The following WWOX variants were observed in gnomAD, a reference collection of about 807,000 sequenced individuals.
The protein encoded by WWOX is WW domain-containing oxidoreductase.
Under a neutral mutation model 46.2 loss-of-function variants are expected in WWOX, and 69 were observed. That is an observed-to-expected ratio of 1.49 (90% CI 1.23 to 1.82). The LOEUF (loss-of-function observed/expected upper bound fraction) is 1.82. Ranked by LOEUF, WWOX falls within the 40% of genes most tolerant of loss-of-function variation. The pLI, the probability that WWOX is intolerant of heterozygous loss-of-function variation, is 0.00. For missense variants in WWOX, 919 were observed against 542.6 expected (o/e 1.69, Z -6.89); for synonymous variants, 359 against 202.6 (o/e 1.77, Z -6.56).
At chr16:78,166,337 C>G (rs959777653) in intron 5 of WWOX, among the ~76,000 whole-genome samples, 4 of 152,094 alleles carry the variant, frequency 2.6e-5, no homozygotes, top group African/African-American at 9.7e-5. Flanking sequence ...TTATTCCAAG[C>G]AATGGTGTTT....
At chr16:78,364,426 G>A (rs4074874) in intron 5 of WWOX, among the ~76,000 whole-genome samples, 4,524 of 150,598 alleles carry the variant, frequency 0.03, 202 homozygotes, top group African/African-American at 0.097. Flanking sequence ...TAGTAGTACT[G>A]TTGAGCCTGC....
intron 8 of WWOX, among the ~76,000 whole-genome samples, chr16:78,669,261 C>G (rs946002394): frequency 2.0e-5 from 3 of 152,230 alleles, no homozygotes; most frequent in African/African-American, 7.2e-5. Flanking sequence ...TTTGCTGTCC[C>G]AAGTGTCCCA....
Position 78,318,397 on chromosome 16 carries a change from T to C in WWOX, c.517-68463T>C, listed in dbSNP as rs111854893. Among the ~76,000 whole-genome samples the C allele has an allele frequency of 7.6e-3, 1,150 of 151,606 alleles. 17 individuals carry two copies. The highest frequency in any genetic ancestry group is 0.027 in the African/African-American group (1,100 of 41,318). On this transcript the variant is annotated intron_variant, in intron 5 of 8. Coordinates refer to ENST00000566780, the MANE Select transcript of WWOX (RefSeq NM_016373.4). ...GAGGTTGCTGTGAGCCGAGATTGCG[T>C]CACTGCACTTCAGCCTGGGCGACAA...
intron 8 of WWOX, among the ~76,000 whole-genome samples, chr16:78,781,646 G>A (rs942496185): frequency 1.3e-5 from 2 of 152,278 alleles, no homozygotes; most frequent in Non-Finnish European, 1.5e-5. Flanking sequence ...ATTGGGCCGG[G>A]CTTGGTGGCT....
chr16:78,988,042 T>G (rs1415352705), intron 8 of WWOX, among the ~76,000 whole-genome samples: 1 of 151,388 alleles, frequency 6.6e-6, no homozygotes, highest in Non-Finnish European at 1.5e-5. Context: ...TAGGGAAACA[T>G]AAAAGAGAGC....
chr16:78,929,040 G>A (rs2151278646), intron 8 of WWOX, among the ~76,000 whole-genome samples: 1 of 152,224 alleles, frequency 6.6e-6, no homozygotes. Context: ...GATTTTTAAA[G>A]AATTTCCTTT....
At chr16:78,677,985 A>C (rs2047644295) in intron 8 of WWOX, among the ~76,000 whole-genome samples, 1 of 152,206 alleles carries the variant, frequency 6.6e-6, no homozygotes, top group African/African-American at 2.4e-5. Context: ...TGTTTAAAAT[A>C]GCAAATTTCT....
rs138129403 is a variant in WWOX, at chr16:78,667,170, C to G, written c.1056+234418C>G. On this transcript the variant is annotated intron_variant, in intron 8 of 8. Transcript: ENST00000566780. ...CACCACTTTATGTGTTTGCTAGTAG[C>G]TTCCATGAAACTCTATGGGTGAACA... Among the ~76,000 whole-genome samples, 1,198 of 152,286 alleles carry G rather than the reference C, an allele frequency of 7.9e-3. 6 individuals are homozygous for G. Among genetic ancestry groups the G allele is most frequent in the Non-Finnish European group, 0.013 (879 of 68,020 alleles).
chr16:78,695,377 A>G (rs1256846125), intron 8 of WWOX, among the ~76,000 whole-genome samples: 2 of 152,144 alleles, frequency 1.3e-5, no homozygotes, highest in African/African-American at 4.8e-5. Context: ...GAAACAATGA[A>G]TGAGTTTTTG....
intron 8 of WWOX, among the ~76,000 whole-genome samples, chr16:79,095,776 C>G (rs1269892213): frequency 6.6e-6 from 1 of 151,816 alleles, no homozygotes; most frequent in Non-Finnish European, 1.5e-5. Context: ...GGAATACAGA[C>G]CTCAGAAAGC....
At chr16:78,997,761 C>T (rs1338545074) in intron 8 of WWOX, among the ~76,000 whole-genome samples, 2 of 152,106 alleles carry the variant, frequency 1.3e-5, no homozygotes, top group African/African-American at 4.8e-5. Context: ...GAGAGGATAG[C>T]AATTGTAAGG....
At chr16:78,532,957 GC>G (rs2043658515) in intron 8 of WWOX, among the ~76,000 whole-genome samples, 1 of 152,200 alleles carries the variant, frequency 6.6e-6, no homozygotes, top group African/African-American at 2.4e-5. Context: ...GCCTGATGAA[GC>G]AAGAGTAGGA....
chr16:78,322,083 A>G (rs1194399338), intron 5 of WWOX, among the ~76,000 whole-genome samples: 1 of 152,128 alleles, frequency 6.6e-6, no homozygotes, highest in Non-Finnish European at 1.5e-5. Context: ...CAAAAAGCCA[A>G]ATGGTTTCAA....
At chr16:78,917,260 C>A (rs771249730) in intron 8 of WWOX, among the ~76,000 whole-genome samples, 1 of 152,228 alleles carries the variant, frequency 6.6e-6, no homozygotes, top group African/African-American at 2.4e-5. Flanking sequence ...AACTGAGAGT[C>A]AGGAGGCGTG....
chr16:78,724,587 A>T (rs1475818219), intron 8 of WWOX, among the ~76,000 whole-genome samples: 2 of 152,290 alleles, frequency 1.3e-5, no homozygotes, highest in South Asian at 2.1e-4. Context: ...GGGGACATTG[A>T]CCCACTTATG....
chr16:78,395,527 A>G (rs1191698530), intron 6 of WWOX, among the ~76,000 whole-genome samples: 1 of 152,058 alleles, frequency 6.6e-6, no homozygotes, highest in African/African-American at 2.4e-5. Flanking sequence ...GAAAAGGAAA[A>G]AGAGAGAGAA....
chr16:78,814,564 G>T (rs1156284852), intron 8 of WWOX, among the ~76,000 whole-genome samples: 1 of 152,054 alleles, frequency 6.6e-6, no homozygotes, highest in Non-Finnish European at 1.5e-5. Context: ...GTGGATAAAG[G>T]CACCTGTGTA....
At chr16:78,249,720 T>C (rs1031017318) in intron 5 of WWOX, among the ~76,000 whole-genome samples, 1 of 152,152 alleles carries the variant, frequency 6.6e-6, no homozygotes, top group African/African-American at 2.4e-5. Context: ...ATTTCGGACT[T>C]GATTTTTTGT....
intron 8 of WWOX, among the ~76,000 whole-genome samples, chr16:79,036,248 A>G (rs898192665): frequency 6.6e-6 from 1 of 152,198 alleles, no homozygotes; most frequent in Non-Finnish European, 1.5e-5. Context: ...CAACCATGCC[A>G]TGGGGCCTAC....
Sources: gnomAD v4.1 joint callset for allele counts (sites outside exome capture counted in the v4.1 genomes callset) on GRCh38, gnomAD v4.1.1 for gene constraint, MANE v1.5 for transcripts, NCBI Gene and HGNC (gene_info 2026-07-23, HGNC 2026-07-21) for gene names.